CDCA7: variants seen among roughly 807,000 people sequenced by gnomAD.
CDCA7 encodes cell division cycle-associated protein 7.
In CDCA7, 28 loss-of-function variants were observed where a neutral mutation model predicts 54.0. The ratio of observed to expected loss-of-function variants is 0.52; its 90% confidence interval spans 0.38 to 0.71. The LOEUF is 0.71. CDCA7 is among the 30% of genes least tolerant of loss of function. The probability of loss-of-function intolerance (pLI) is 0.00; values close to 1 mark genes in which losing one functional copy is unlikely to be tolerated. For synonymous variants in CDCA7, 180 were observed against 208.2 expected (o/e 0.86, Z 1.16); for missense variants, 484 against 586.0 (o/e 0.83, Z 1.80).
At chr2:173,360,962 A>G (rs1428980546) in intron 3 of CDCA7, among the ~76,000 whole-genome samples, 1 of 151,970 alleles carries the variant, frequency 6.6e-6, no homozygotes, top group Non-Finnish European at 1.5e-5. Context: ...TTCTTTCCCA[A>G]CACCCCCAGC....
rs1686733960 is a variant in CDCA7 at position 173,366,913 on chromosome 2, C to G, written c.1186-237C>G. On this transcript the variant is annotated intron_variant, in intron 8 of 9. Transcript: ENST00000306721. This position sits in a 1 kb window ranked among gnomAD's most constrained non-coding sequence, Gnocchi z 4.5. ...GGTGCTGCATAGGCATGAGCCGCTT[C>G]TACGATACTCGGGTCTGAACTGTCC... Among the ~76,000 whole-genome samples the G allele has an allele frequency of 6.6e-6, 1 of 152,202 alleles. No individual in the cohort carries two copies. The highest frequency in any genetic ancestry group is 2.1e-4 in the South Asian group (1 of 4,828).
At chr2:173,360,389 A>G (rs1182514185) in intron 3 of CDCA7, among the ~76,000 whole-genome samples, 2 of 152,222 alleles carry the variant, frequency 1.3e-5, no homozygotes, top group African/African-American at 4.8e-5. Flanking sequence ...TAAAATGCCA[A>G]TTCATTATAA....
chr2:173,367,497 A>T (rs1574222730), intron 9 of CDCA7, 137 bp from the exon 10 acceptor site: 10 of 1,280,548 alleles, frequency 7.8e-6, no homozygotes, highest in Non-Finnish European at 1.1e-5. Flanking sequence ...GTCAGGTAAT[A>T]TACTTGAAGA....
chr2:173,359,999 A>C (rs186127037), intron 3 of CDCA7, among the ~76,000 whole-genome samples: 1 of 152,244 alleles, frequency 6.6e-6, no homozygotes, highest in African/African-American at 2.4e-5. Context: ...TTTCCTATGC[A>C]CGCTACCTTC....
At chr2:173,364,485 G>T (rs73974128) in intron 5 of CDCA7, 97 of 220,348 alleles carry the variant, frequency 4.4e-4, no homozygotes, top group African/African-American at 2.2e-3. Flanking sequence ...GTTTCTACAG[G>T]GTCAAGAGAC....
intron 1 of CDCA7, among the ~76,000 whole-genome samples, chr2:173,355,240 G>T (rs1010081028): frequency 2.1e-4 from 32 of 152,242 alleles, no homozygotes; most frequent in Non-Finnish European, 4.1e-4. Flanking sequence ...GGCTAGCAGC[G>T]CTGGAAAGCC....
chr2:173,366,544 T>G lies in CDCA7; in HGVS notation c.1185+112T>G, dbSNP rs1574221982. 6.4e-6 allele frequency: 9 copies of G among 1,399,818 alleles called. No homozygotes were observed. In the East Asian group the frequency reaches 2.1e-4, roughly 33 times the overall value. 86.7% of individuals were successfully genotyped at this position (1,399,818 alleles called of 1,614,324 possible). On this transcript the variant is annotated intron_variant, in intron 8 of 9. Transcript: ENST00000306721. This position sits in a 1 kb window ranked among gnomAD's most constrained non-coding sequence, Gnocchi z 4.5. ...TGGAGCCCTTTCTGTTATGGGGTGC[T>G]CTTCTTTTTTTTTAAGATGGAGTCT...
chr2:173,367,365 G>A, intron 9 of CDCA7, 79 bp downstream of exon 9: 1 of 1,591,274 alleles, frequency 6.3e-7, no homozygotes, highest in Non-Finnish European at 8.6e-7. Flanking sequence ...ATAGATGTCA[G>A]AAGAGTGGTT....
In CDCA7 at chr2:173,368,028, A is replaced by T. The variant is rs561551472; in HGVS notation, c.*364A>T. 1 of 275,186 alleles carries T rather than the reference A, an allele frequency of 3.6e-6. No individual in the cohort carries two copies. Among genetic ancestry groups the T allele is most frequent in the Admixed American group, 4.8e-5 (1 of 20,874 alleles). 17.0% of individuals were successfully genotyped at this position (275,186 alleles called of 1,614,324 possible). ...CCTCATAAAACCTAAGCACTTGGAA[A>T]CACAATAATAGTATTAACTAACTAG... On this transcript the variant is annotated 3_prime_UTR_variant, in exon 10 of 10. Coordinates refer to ENST00000306721, the MANE Select transcript of CDCA7 (RefSeq NM_031942.5).
chr2:173,367,119 T>C, intron 8 of CDCA7, 31 bp from the exon 9 acceptor site: 2 of 1,550,252 alleles, frequency 1.3e-6, no homozygotes, highest in Non-Finnish European at 1.7e-6. Context: ...AAGGTTTAAC[T>C]TAATTGTGCC....
chr2:173,365,570 A>G lies in CDCA7; in HGVS notation c.1013A>G (p.Glu338Gly). The change falls in exon 7 of 10, where the codon GAG (glutamate) becomes GGG (glycine). Residue 338 changes from glutamate to glycine, a missense_variant. Physicochemically the swap from Glu to Gly is moderately conservative, Grantham distance 98. This residue lies in a region of CDCA7 where 398 missense variants were observed against 447.4 expected (regional missense o/e 0.89). Coordinates refer to ENST00000306721, the MANE Select transcript of CDCA7 (RefSeq NM_031942.5). Reference sequence around the variant, plus strand: ...GAGAACGTCTGCAGCAATTCTCGAGAGAAGATATATAACCGTTCACTGGTG... The same window carrying G: ...GAGAACGTCTGCAGCAATTCTCGAGGGAAGATATATAACCGTTCACTGGTG... ...ELENVCSNSREKIYNRSLGST... is the reference protein window; with the variant it reads ...ELENVCSNSRGKIYNRSLGST... 2.5e-6 allele frequency: 4 copies of G among 1,614,164 alleles called. No homozygotes were observed. The highest frequency in any genetic ancestry group is 3.4e-6 in the Non-Finnish European group (4 of 1,180,028).
intron 4 of CDCA7, 75 bp downstream of exon 4, chr2:173,363,537 C>G: frequency 3.6e-6 from 5 of 1,390,960 alleles, no homozygotes; most frequent in Non-Finnish European, 5.0e-6. Context: ...TTCCATCACG[C>G]AAAAGTTATT....
At chr2:173,364,484 G>C in intron 5 of CDCA7, 1 of 208,618 alleles carries the variant, frequency 4.8e-6, no homozygotes, top group Non-Finnish European at 9.4e-6. Context: ...TGTTTCTACA[G>C]GGTCAAGAGA....
chr2:173,363,275 A>C lies in CDCA7; in HGVS notation c.434A>C (p.His145Pro), dbSNP rs201805730. Residue 145 changes from histidine to proline, a missense_variant, in exon 4 of 10, where the codon CAC (histidine) becomes CCC (proline). By Grantham distance (77) the His-to-Pro change is moderately conservative. Around this residue, in one of 3 missense-constraint regions of CDCA7, gnomAD observed 398 missense variants for 447.4 expected, o/e 0.89. Coordinates refer to ENST00000306721, the MANE Select transcript of CDCA7 (RefSeq NM_031942.5). Reference sequence around the variant, plus strand: ...TGTAGGACCCGCAGCCAGTGCAGGCACTCTGGACCTCTCAGGGTGGCGATG... The same window carrying C: ...TGTAGGACCCGCAGCCAGTGCAGGCCCTCTGGACCTCTCAGGGTGGCGATG... ...EGCRTRSQCR[H>P]SGPLRVAMKF... 5.0e-6 allele frequency: 8 copies of C among 1,614,144 alleles called. No homozygotes were observed. The East Asian group carries it at 1.6e-4, about 31-fold the overall frequency.
At chr2:173,362,639 G>T (rs1323328842) in intron 3 of CDCA7, among the ~76,000 whole-genome samples, 1 of 148,520 alleles carries the variant, frequency 6.7e-6, no homozygotes. Context: ...ACAGTGGCAC[G>T]AACACGGCTC....
chr2:173,355,729 C>T (rs1443831318), intron 1 of CDCA7, among the ~76,000 whole-genome samples: 3 of 138,990 alleles, frequency 2.2e-5, no homozygotes, highest in African/African-American at 7.9e-5. Context: ...CTGAGTGGAA[C>T]GTTACTTTTT....
chr2:173,365,067 C>A lies in CDCA7; in HGVS notation c.894+78C>A, dbSNP rs772146602. ...TGGCATCATACACAGCACAGGTACA[C>A]GCACATCCTTAACACCAGGCGATCC... On this transcript the variant is annotated intron_variant, in intron 6 of 9. Coordinates refer to ENST00000306721, the MANE Select transcript of CDCA7 (RefSeq NM_031942.5). 2.3e-5 allele frequency: 34 copies of A among 1,465,856 alleles called. 1 individual carries two copies. The Middle Eastern group carries it at 7.2e-4, about 31-fold the overall frequency. The allele number at this position is 1,465,856 out of a possible 1,614,324, so 90.8% of individuals were successfully genotyped here. A position where few individuals can be genotyped will look rare whatever the true frequency, so the allele number is the denominator to read the frequency against.
intron 5 of CDCA7, 100 bp downstream of exon 5, chr2:173,363,995 TC>T: frequency 8.7e-7 from 1 of 1,144,026 alleles, no homozygotes; most frequent in Non-Finnish European, 1.3e-6. Context: ...TGTGTGGCCT[TC>T]TAGACAAACG....
Position 173,367,162 on chromosome 2 carries a change from C to A in CDCA7, c.1198C>A (p.Pro400Thr). The change falls in exon 9 of 10, where the codon CCG (proline) becomes ACG (threonine). Residue 400 changes from proline (P) to threonine (T), a missense_variant. By Grantham distance (38) the Pro-to-Thr change is conservative. Transcript: ENST00000306721. ...AATCCTCCTTCAGAACTGGCATTGC[C>A]CGCCTTGTCGAGGAATCTGCAACTG... ...DALLDPNWHC[P>T]PCRGICNCSF... 1.9e-6 allele frequency: 3 copies of A among 1,593,202 alleles called. No homozygotes were observed. The highest frequency in any genetic ancestry group is 2.6e-6 in the Non-Finnish European group (3 of 1,171,290).
Sources: allele counts gnomAD v4.1 joint callset (sites outside exome capture counted in the v4.1 genomes callset), GRCh38; gene constraint gnomAD v4.1.1; regional missense constraint gnomAD v4.1.1; non-coding constraint Gnocchi (gnomAD v3.1); transcripts MANE v1.5; gene names NCBI Gene and HGNC (gene_info 2026-07-23, HGNC 2026-07-21).